Variants in CNTN1 observed in about 807,000 individuals in gnomAD.
CNTN1 encodes the protein contactin 1.
CNTN1 carries 38 observed loss-of-function variants against 126.4 expected under a neutral mutation model. The ratio of observed to expected loss-of-function variants is 0.30; its 90% CI spans 0.23 to 0.39. CNTN1 has a LOEUF of 0.39. Among genes scored for constraint, CNTN1 ranks in the 10% least tolerant of loss-of-function variants. The pLI, the probability that CNTN1 is intolerant of heterozygous loss-of-function variation, is 1.00. For synonymous variants in CNTN1, 413 were observed against 422.6 expected (o/e 0.98, Z 0.28); for missense variants, 1,009 against 1,248.4 (o/e 0.81, Z 2.89).
intron 20 of CNTN1, among the ~76,000 whole-genome samples, chr12:41,024,902 T>G (rs1949006788): frequency 1.3e-5 from 2 of 152,208 alleles, no homozygotes; most frequent in Non-Finnish European, 2.9e-5. Context: ...TTTTTATTTT[T>G]TTTAGTCAAT....
intron 1 of CNTN1, among the ~76,000 whole-genome samples, chr12:40,757,947 A>C (rs1938676824): frequency 6.6e-6 from 1 of 152,040 alleles, no homozygotes; most frequent in African/African-American, 2.4e-5. Context: ...GAAAAGTAGA[A>C]ATAGCATGGT....
intron 15 of CNTN1, among the ~76,000 whole-genome samples, chr12:40,964,213 G>A (rs1431353988): frequency 6.6e-6 from 1 of 150,944 alleles, no homozygotes; most frequent in African/African-American, 2.4e-5. Flanking sequence ...CTATATATTT[G>A]TTTACATCTT....
At chr12:41,067,062 C>A (rs1295370820) in intron 23 of CNTN1, among the ~76,000 whole-genome samples, 1 of 151,840 alleles carries the variant, frequency 6.6e-6, no homozygotes, top group African/African-American at 2.4e-5. Context: ...GATTCAAAAC[C>A]AATATATATT....
At chr12:40,993,829 G>A (rs1948150746) in intron 17 of CNTN1, among the ~76,000 whole-genome samples, 1 of 152,056 alleles carries the variant, frequency 6.6e-6, no homozygotes, top group Admixed American at 6.6e-5. Context: ...AGACATCATG[G>A]TAAATATTCT....
chr12:40,963,583 A>G lies in CNTN1; in HGVS notation c.1804+4349A>G, dbSNP rs368438852. Among the ~76,000 whole-genome samples, 5 of 151,960 alleles carry G rather than the reference A, an allele frequency of 3.3e-5. No individual in the cohort carries two copies. In the East Asian group the frequency reaches 7.7e-4, roughly 23 times the overall value. ...TATATTTTAAAATGTTAATATTAAT[A>G]TTTAAAATGTTAATATTTAAAGGTC... On this transcript the variant is annotated intron_variant, in intron 15 of 23. Transcript: ENST00000551295.
chr12:40,828,665 T>C (rs71449781), intron 1 of CNTN1, among the ~76,000 whole-genome samples: 5,822 of 152,278 alleles, frequency 0.038, 136 homozygotes, highest in Middle Eastern at 0.12. Flanking sequence ...ATTTCCTTAA[T>C]GTCAACATTT....
intron 1 of CNTN1, among the ~76,000 whole-genome samples, chr12:40,737,805 C>T (rs914725152): frequency 6.6e-6 from 1 of 151,802 alleles, no homozygotes; most frequent in Non-Finnish European, 1.5e-5. Context: ...CAAAATCTGA[C>T]AAATTAAAAA....
At chr12:41,051,145 CTTT>C (rs58479316) in intron 23 of CNTN1, among the ~76,000 whole-genome samples, 5 of 120,400 alleles carry the variant, frequency 4.2e-5, no homozygotes, top group East Asian at 2.3e-4. Context: ...GCTTTGTGAT[CTTT>C]TTTTTTTTTT....
chr12:40,758,632 C>A (rs1462651695), intron 1 of CNTN1, among the ~76,000 whole-genome samples: 1 of 151,970 alleles, frequency 6.6e-6, no homozygotes, highest in African/African-American at 2.4e-5. Flanking sequence ...CAAATATGTA[C>A]AAAACTAGAT....
intron 1 of CNTN1, among the ~76,000 whole-genome samples, chr12:40,749,796 A>C: frequency 1.0e-5 from 1 of 96,538 alleles, no homozygotes. Context: ...TGTCGTGGCA[A>C]TAGGTGTTGT....
chr12:40,757,136 G>A (rs1565692542), intron 1 of CNTN1, among the ~76,000 whole-genome samples: 1 of 152,054 alleles, frequency 6.6e-6, no homozygotes, highest in Non-Finnish European at 1.5e-5. Flanking sequence ...CAAAGAAAGA[G>A]TGACTCTGGT....
At chr12:40,838,111 G>A (rs961964517) in intron 1 of CNTN1, among the ~76,000 whole-genome samples, 17 of 152,166 alleles carry the variant, frequency 1.1e-4, no homozygotes, top group Non-Finnish European at 2.1e-4. Context: ...CACCCAGCCC[G>A]GCATTGCATC....
intron 1 of CNTN1, among the ~76,000 whole-genome samples, chr12:40,890,770 A>C (rs150024099): frequency 3.7e-4 from 56 of 152,206 alleles, no homozygotes; most frequent in African/African-American, 1.2e-3. Context: ...GATGGGTTTC[A>C]ATTTTTGGCA....
chr12:40,838,758 T>C lies in CNTN1; in HGVS notation c.-76-69599T>C, dbSNP rs193282039. 4.6e-3 allele frequency among the ~76,000 whole-genome samples: 706 copies of C among 152,138 alleles called. 7 individuals are homozygous for C. The highest frequency in any genetic ancestry group is 0.013 in the African/African-American group (526 of 41,488). ...CTACCCGAACAACTCCATAGAAATATCCTTAGGAAAAGTTCTCCCCTACAC... is the reference window on the plus strand; with the variant it reads ...CTACCCGAACAACTCCATAGAAATACCCTTAGGAAAAGTTCTCCCCTACAC... On this transcript the variant is annotated intron_variant, in intron 1 of 23. Coordinates refer to ENST00000551295, the MANE Select transcript of CNTN1 (RefSeq NM_001843.4).
chr12:40,826,348 A>G (rs1941613652), intron 1 of CNTN1, among the ~76,000 whole-genome samples: 1 of 152,200 alleles, frequency 6.6e-6, no homozygotes, highest in Admixed American at 6.6e-5. Context: ...AATATTACTC[A>G]TAGAAGAGAG....
At chr12:40,977,775 TGTTTTGTTTTG>T (rs1947718683) in intron 15 of CNTN1, among the ~76,000 whole-genome samples, 10 of 12,958 alleles carry the variant, frequency 7.7e-4, no homozygotes, top group Middle Eastern at 0.036. Context: ...TGTTTTGTTT[TGTTTTGTTTTG>T]TTTTGTTTTG....
chr12:40,716,080 A>G (rs981620445), intron 1 of CNTN1, among the ~76,000 whole-genome samples: 2 of 152,124 alleles, frequency 1.3e-5, no homozygotes, highest in African/African-American at 4.8e-5. Context: ...AGCCTCACAT[A>G]AACTCAAAAG....
chr12:41,045,822 A>C (rs1949528359), intron 23 of CNTN1, among the ~76,000 whole-genome samples: 1 of 152,156 alleles, frequency 6.6e-6, no homozygotes, highest in Non-Finnish European at 1.5e-5. Flanking sequence ...TTTCAAGAGT[A>C]TGAGATTATC....
intron 1 of CNTN1, among the ~76,000 whole-genome samples, chr12:40,895,701 A>T (rs1193571528): frequency 6.6e-6 from 1 of 152,136 alleles, no homozygotes; most frequent in East Asian, 1.9e-4. Context: ...TGGGGGACAC[A>T]AGAAAACCAT....
Sources: gnomAD v4.1 joint callset for allele counts (sites outside exome capture counted in the v4.1 genomes callset) on GRCh38, gnomAD v4.1.1 for gene constraint, MANE v1.5 for transcripts, NCBI Gene and HGNC (gene_info 2026-07-23, HGNC 2026-07-21) for gene names.